Variants in XIRP2 observed in about 807,000 individuals in gnomAD.
XIRP2 encodes the protein xin actin-binding repeat-containing protein 2.
XIRP2 carries 236 observed loss-of-function variants against 277.0 expected under a neutral mutation model. The observed-to-expected ratio is 0.85, with a 90% confidence interval of 0.77 to 0.95. The LOEUF (loss-of-function observed/expected upper bound fraction) is 0.95, where lower values mean the gene tolerates loss of function less well. Among genes scored for constraint, XIRP2 ranks in the 40% least tolerant of loss-of-function variants. The probability of loss-of-function intolerance (pLI) is 0.00; values close to 1 mark genes in which losing one functional copy is unlikely to be tolerated. For synonymous variants in XIRP2, 1,490 were observed against 1,416.5 expected (o/e 1.05, Z -1.17); for missense variants, 4,640 against 4,157.5 (o/e 1.12, Z -3.19).
At chr2:166,912,422 C>T (rs554892731) in intron 2 of XIRP2, among the ~76,000 whole-genome samples, 16 of 152,310 alleles carry the variant, frequency 1.1e-4, no homozygotes, top group East Asian at 7.7e-4. Flanking sequence ...CTTGTGCATT[C>T]GTCACATAGT....
chr2:167,107,350 T>C (rs540329418), intron 2 of XIRP2, among the ~76,000 whole-genome samples: 9 of 151,968 alleles, frequency 5.9e-5, no homozygotes, highest in African/African-American at 2.2e-4. Flanking sequence ...TTTTCAGAGA[T>C]GCTTTTGTCA....
At chr2:166,918,019 T>G (rs1251393461) in intron 2 of XIRP2, among the ~76,000 whole-genome samples, 1 of 152,184 alleles carries the variant, frequency 6.6e-6, no homozygotes, top group Non-Finnish European at 1.5e-5. Flanking sequence ...TATCTGATGT[T>G]TTTTCATGGT....
At chr2:166,934,195 C>CAAAAAAA (rs750753001) in intron 2 of XIRP2, among the ~76,000 whole-genome samples, 33 of 71,516 alleles carry the variant, frequency 4.6e-4, no homozygotes, top group Admixed American at 8.2e-4. Context: ...AAATCAACAG[C>CAAAAAAA]AAAAAAAAAA....
chr2:167,179,786 T>C (rs73025798), intron 3 of XIRP2, among the ~76,000 whole-genome samples: 14,985 of 152,104 alleles, frequency 0.099, 782 homozygotes, highest in South Asian at 0.15. Flanking sequence ...ACTATAGGCA[T>C]GTGCCACTGC....
intron 2 of XIRP2, among the ~76,000 whole-genome samples, chr2:167,048,461 C>T (rs1327929191): frequency 6.6e-6 from 1 of 151,798 alleles, no homozygotes. Flanking sequence ...ATCAAGGTCA[C>T]TTTTCTTTCT....
intron 2 of XIRP2, among the ~76,000 whole-genome samples, chr2:167,080,560 C>A (rs1039867076): frequency 2.6e-5 from 4 of 152,088 alleles, no homozygotes; most frequent in Non-Finnish European, 5.9e-5. Flanking sequence ...TTCCTCTCAT[C>A]CCTAGGAGAT....
chr2:166,964,689 C>T (rs1001671007), intron 2 of XIRP2, among the ~76,000 whole-genome samples: 3 of 151,796 alleles, frequency 2.0e-5, no homozygotes, highest in Non-Finnish European at 2.9e-5. Context: ...TTGGTTACCT[C>T]GAATTTTGTT....
intron 2 of XIRP2, among the ~76,000 whole-genome samples, chr2:167,065,703 A>T (rs1392524942): frequency 2.0e-5 from 3 of 151,902 alleles, no homozygotes; most frequent in Admixed American, 1.3e-4. Context: ...TCTTTATGAG[A>T]TCCAAATTTC....
chr2:167,248,265 T>A lies in XIRP2; in HGVS notation c.6873T>A (p.Pro2291=). 6.2e-7 allele frequency: 1 copy of A among 1,611,614 alleles called. No individual in the cohort carries two copies. The highest frequency in any genetic ancestry group is 8.5e-7 in the Non-Finnish European group (1 of 1,179,038). The part of the protein sequence containing the change: ...NVKESECPLP[P]PSPPPPPPSN... ...AAGAAAGTGAGTGCCCCCTTCCACC[T>A]CCATCTCCACCTCCTCCACCACCTT... is the stretch of plus-strand genomic sequence containing the variant. The change falls in exon 9 of 11, where the codon CCT becomes CCA. Residue 2291 remains proline, a synonymous_variant. Transcript: ENST00000409195.
intron 1 of XIRP2, among the ~76,000 whole-genome samples, chr2:166,897,941 G>T (rs1433910728): frequency 6.6e-6 from 1 of 152,098 alleles, no homozygotes; most frequent in East Asian, 1.9e-4. Context: ...ACACATGCAG[G>T]TGGCATGCAG....
intron 2 of XIRP2, among the ~76,000 whole-genome samples, chr2:167,131,986 T>C (rs1386501312): frequency 1.3e-5 from 2 of 152,076 alleles, no homozygotes; most frequent in Non-Finnish European, 2.9e-5. Context: ...TCTCCCATTC[T>C]CACTCCCTCT....
intron 4 of XIRP2, among the ~76,000 whole-genome samples, chr2:167,215,818 G>A (rs1443051614): frequency 6.6e-6 from 1 of 152,186 alleles, no homozygotes; most frequent in Non-Finnish European, 1.5e-5. Flanking sequence ...GCTCTGGAAT[G>A]TGCTGAATCA....
chr2:167,141,786 T>G (rs1691724641), intron 3 of XIRP2, among the ~76,000 whole-genome samples: 1 of 151,980 alleles, frequency 6.6e-6, no homozygotes, highest in African/African-American at 2.4e-5. Context: ...CCTTGAGTCC[T>G]GGAGTTCAAG....
intron 5 of XIRP2, among the ~76,000 whole-genome samples, chr2:167,227,854 A>T (rs1315260091): frequency 1.3e-5 from 2 of 152,146 alleles, no homozygotes; most frequent in Non-Finnish European, 2.9e-5. Flanking sequence ...ATAATTAATT[A>T]AGACTGAAAC....
At chr2:166,904,031 T>A (rs1041402798) in intron 2 of XIRP2, 141 bp downstream of exon 2, 1 of 944,518 alleles carries the variant, frequency 1.1e-6, no homozygotes, top group African/African-American at 1.7e-5. Context: ...CAGTGTGAAA[T>A]GTGACATCCT....
At chr2:167,121,206 G>C (rs1691047548) in intron 2 of XIRP2, among the ~76,000 whole-genome samples, 2 of 152,134 alleles carry the variant, frequency 1.3e-5, no homozygotes, top group African/African-American at 4.8e-5. Context: ...AGAACTTTAT[G>C]CTCCTGAAAT....
intron 5 of XIRP2, among the ~76,000 whole-genome samples, chr2:167,228,151 G>A (rs1223981158): frequency 6.6e-6 from 1 of 152,120 alleles, no homozygotes; most frequent in Non-Finnish European, 1.5e-5. Context: ...ACTGTCTTCT[G>A]TGTTCTACTA....
intron 2 of XIRP2, among the ~76,000 whole-genome samples, chr2:167,082,151 T>G (rs1483874451): frequency 6.8e-6 from 1 of 146,398 alleles, no homozygotes; most frequent in East Asian, 2.1e-4. Flanking sequence ...TGTGTCCATG[T>G]GATCTCATTG....
intron 2 of XIRP2, among the ~76,000 whole-genome samples, chr2:166,923,764 G>A (rs987764619): frequency 3.9e-5 from 6 of 152,042 alleles, no homozygotes; most frequent in Non-Finnish European, 1.5e-5. Flanking sequence ...TTTCACTGAA[G>A]GTTAATCTTC....
Sources: gnomAD v4.1 joint callset for allele counts (sites outside exome capture counted in the v4.1 genomes callset) on GRCh38, gnomAD v4.1.1 for gene constraint, MANE v1.5 for transcripts, NCBI Gene and HGNC (gene_info 2026-07-23, HGNC 2026-07-21) for gene names.